PSEN1: variants seen among roughly 807,000 people sequenced by gnomAD.
PSEN1 encodes presenilin-1.
Under a neutral mutation model 53.5 loss-of-function variants are expected in PSEN1, and 15 were observed. The ratio of observed to expected loss-of-function variants is 0.28; its 90% CI spans 0.19 to 0.43. PSEN1 has a LOEUF of 0.43. Ranked by LOEUF, PSEN1 falls within the 20% of genes least tolerant of loss-of-function variation. The probability of loss-of-function intolerance (pLI) is 1.00; values close to 1 mark genes in which losing one functional copy is unlikely to be tolerated. For synonymous variants in PSEN1, 208 were observed against 209.8 expected (o/e 0.99, Z 0.08); for missense variants, 387 against 571.2 (o/e 0.68, Z 3.29).
intron 5 of PSEN1, among the ~76,000 whole-genome samples, chr14:73,180,805 A>G (rs940389745): frequency 6.6e-6 from 1 of 152,218 alleles, no homozygotes; most frequent in Non-Finnish European, 1.5e-5. Flanking sequence ...TGTGTGTATA[A>G]CATAGTAATA....
chr14:73,146,212 A>G (rs1376927426), intron 1 of PSEN1: 2 of 147,744 alleles, frequency 1.4e-5, no homozygotes, highest in African/African-American at 5.0e-5. Context: ...TTTTAAAAAC[A>G]GAGTCTCACT....
intron 3 of PSEN1, among the ~76,000 whole-genome samples, chr14:73,148,991 A>C (rs1897146715): frequency 1.3e-5 from 2 of 152,196 alleles, no homozygotes; most frequent in Middle Eastern, 3.4e-3. Context: ...AAAGAGAGAG[A>C]GCATGGATGT....
chr14:73,197,934 A>G, intron 7 of PSEN1, 97 bp from the exon 8 acceptor site: 1 of 724,140 alleles, frequency 1.4e-6, no homozygotes. Flanking sequence ...GACAAAAAAC[A>G]TTAAACTTTT....
At chr14:73,151,388 T>G (rs568966020) in intron 3 of PSEN1, among the ~76,000 whole-genome samples, 2 of 152,302 alleles carry the variant, frequency 1.3e-5, no homozygotes, top group Admixed American at 1.3e-4. Flanking sequence ...ATCTTAGAAC[T>G]ATTTTAGAGA....
rs114386278 is a variant in PSEN1, at chr14:73,198,725, G to A, written c.868+596G>A. Among the ~76,000 whole-genome samples the A allele has an allele frequency of 6.0e-3, 907 of 152,296 alleles. 12 individuals are homozygous for A. Among genetic ancestry groups the A allele is most frequent in the African/African-American group, 0.021 (859 of 41,552 alleles). ...TCAATAGTTCTAGCAACTGAGGAGA[G>A]AAGTTGTAAGCTTGAAGGAAAGGTG... On this transcript the variant is annotated intron_variant, in intron 8 of 11. Coordinates refer to ENST00000324501, the MANE Select transcript of PSEN1 (RefSeq NM_000021.4).
rs189601896 is a variant in PSEN1, at chr14:73,140,555, G to T, written c.-136+3972G>T. On this transcript the variant is annotated intron_variant, in intron 1 of 11. Transcript: ENST00000324501. ...AACAGCAAAATCTGGCCTAGTTATC[G>T]TCTTTATTTTCTTTTTTTAATGTGA... Among the ~76,000 whole-genome samples, 3 of 151,998 alleles carry T rather than the reference G, an allele frequency of 2.0e-5. No individual in the cohort carries two copies. The East Asian group carries it at 5.8e-4, about 29-fold the overall frequency.
At chr14:73,140,112 T>G (rs1008789627) in intron 1 of PSEN1, among the ~76,000 whole-genome samples, 1 of 152,122 alleles carries the variant, frequency 6.6e-6, no homozygotes, top group Non-Finnish European at 1.5e-5. Context: ...GGAAAGATTC[T>G]TTATAATTAT....
At chr14:73,203,704 C>G (rs1482119808) in intron 8 of PSEN1, among the ~76,000 whole-genome samples, 1 of 152,170 alleles carries the variant, frequency 6.6e-6, no homozygotes, top group African/African-American at 2.4e-5. Flanking sequence ...TATACACCTA[C>G]TCTTTGAGCT....
chr14:73,154,785 G>C (rs905585224), intron 3 of PSEN1, among the ~76,000 whole-genome samples: 1 of 152,152 alleles, frequency 6.6e-6, no homozygotes, highest in Admixed American at 6.5e-5. Flanking sequence ...GTAAGAAATA[G>C]AAATGGCAAT....
intron 8 of PSEN1, 140 bp from the exon 9 acceptor site, chr14:73,206,246 T>A (rs1020086617): frequency 2.9e-6 from 2 of 697,180 alleles, no homozygotes; most frequent in Non-Finnish European, 2.6e-6. Context: ...ACCTTTTTTT[T>A]ATTTTTACTT....
At chr14:73,137,190 G>A (rs1272389470) in intron 1 of PSEN1, 1 of 152,366 alleles carries the variant, frequency 6.6e-6, no homozygotes, top group Non-Finnish European at 1.5e-5. Context: ...GCTGGGATGG[G>A]TGAGAGAATT....
intron 5 of PSEN1, among the ~76,000 whole-genome samples, chr14:73,182,105 G>A (rs76426658): frequency 0.069 from 10,564 of 152,236 alleles, 533 homozygotes; most frequent in South Asian, 0.19. Context: ...AATTTTGGTT[G>A]TCACTGGCCT....
chr14:73,209,099 G>T (rs140628433), intron 9 of PSEN1, among the ~76,000 whole-genome samples: 3 of 152,236 alleles, frequency 2.0e-5, no homozygotes, highest in East Asian at 3.8e-4. Flanking sequence ...GCCTGCAGAC[G>T]CAAGGGGCTT....
In PSEN1 at chr14:73,166,991, G is replaced by GTGAT. The variant is rs199797974; in HGVS notation, c.88-3804_88-3801dup. Among the ~76,000 whole-genome samples the GTGAT allele has an allele frequency of 4.0e-3, 604 of 150,282 alleles. 4 individuals are homozygous for GTGAT. Among genetic ancestry groups the GTGAT allele is most frequent in the African/African-American group, 0.014 (565 of 40,014 alleles). ...GCTATAACAGAATACCGCAGACTGG[G>GTGAT]TGATTTATTTATTTATTTATTTTGT... On this transcript the variant is annotated intron_variant, in intron 3 of 11. Coordinates refer to ENST00000324501, the MANE Select transcript of PSEN1 (RefSeq NM_000021.4).
In PSEN1 at chr14:73,152,158, C is replaced by T. The variant is rs143795534; in HGVS notation, c.87+4052C>T. On this transcript the variant is annotated intron_variant, in intron 3 of 11. Coordinates refer to ENST00000324501, the MANE Select transcript of PSEN1 (RefSeq NM_000021.4). ...GGATCTCCTGACCTCGTGATTCGCC[C>T]GTCTCGGCCTCCCAAAGTTTTTTTA... is the stretch of plus-strand genomic sequence containing the variant. 2.8e-3 allele frequency among the ~76,000 whole-genome samples: 407 copies of T among 147,782 alleles called. 4 individuals are homozygous for T. Among genetic ancestry groups the T allele is most frequent in the African/African-American group, 9.9e-3 (398 of 40,120 alleles).
At chr14:73,139,110 C>T (rs1040047719) in intron 1 of PSEN1, among the ~76,000 whole-genome samples, 8 of 151,536 alleles carry the variant, frequency 5.3e-5, no homozygotes, top group Non-Finnish European at 8.8e-5. Context: ...GGTGAAACCC[C>T]GTCTCTACTA....
intron 3 of PSEN1, among the ~76,000 whole-genome samples, chr14:73,166,070 TAA>T (rs1015948014): frequency 2.1e-4 from 31 of 150,470 alleles, no homozygotes; most frequent in Admixed American, 6.6e-4. Context: ...ATAATAATAA[TAA>T]AATAAAAATA....
intron 5 of PSEN1, among the ~76,000 whole-genome samples, chr14:73,184,384 CG>C (rs1898377419): frequency 1.0e-5 from 1 of 98,218 alleles, no homozygotes. Flanking sequence ...GCTGGCCGGG[CG>C]GGGGGCTGAC....
intron 3 of PSEN1, among the ~76,000 whole-genome samples, chr14:73,162,454 C>G (rs557649513): frequency 6.7e-6 from 1 of 148,262 alleles, no homozygotes; most frequent in Non-Finnish European, 1.5e-5. Flanking sequence ...CGCGCTCTCT[C>G]TCTCTCTCTC....
Sources: gnomAD v4.1 joint callset for allele counts (sites outside exome capture counted in the v4.1 genomes callset) on GRCh38, gnomAD v4.1.1 for gene constraint, MANE v1.5 for transcripts, NCBI Gene and HGNC (gene_info 2026-07-23, HGNC 2026-07-21) for gene names.